The following PCSK2 variants were observed in gnomAD, a reference collection of about 807,000 sequenced individuals.
PCSK2 encodes the protein proprotein convertase subtilisin/kexin type 2, also known as neuroendocrine convertase 2.
In PCSK2, 14 loss-of-function variants were observed where a neutral mutation model predicts 69.7. That is an observed-to-expected ratio of 0.20 (90% CI 0.13 to 0.31). The LOEUF (loss-of-function observed/expected upper bound fraction) is 0.31, where lower values mean the gene tolerates loss of function less well. PCSK2 is among the 10% of genes least tolerant of loss of function. The pLI is 1.00. For missense variants in PCSK2, 544 were observed against 842.5 expected (o/e 0.65, Z 4.39); for synonymous variants, 307 against 320.7 (o/e 0.96, Z 0.46).
At chr20:17,335,493 G>A (rs1990324728) in intron 2 of PCSK2, among the ~76,000 whole-genome samples, 1 of 141,910 alleles carries the variant, frequency 7.0e-6, no homozygotes. Context: ...GTTTGCTTGT[G>A]GGCTCTTTTA....
intron 8 of PCSK2, among the ~76,000 whole-genome samples, chr20:17,450,314 C>A (rs1026844388): frequency 6.6e-6 from 1 of 152,148 alleles, no homozygotes; most frequent in Admixed American, 6.6e-5. Context: ...AGGCATGAGA[C>A]ACCGCGCCCG....
At chr20:17,293,737 A>G (rs1001422031) in intron 2 of PCSK2, among the ~76,000 whole-genome samples, 1 of 152,154 alleles carries the variant, frequency 6.6e-6, no homozygotes, top group African/African-American at 2.4e-5. Flanking sequence ...TTTATTTAGA[A>G]TTTTAAAAAT....
At chr20:17,455,886 G>C (rs1397255467) in intron 9 of PCSK2, among the ~76,000 whole-genome samples, 3 of 152,204 alleles carry the variant, frequency 2.0e-5, no homozygotes, top group Non-Finnish European at 4.4e-5. Flanking sequence ...GCAAAAGAGA[G>C]GCATATGGAT....
At chr20:17,422,807 A>G (rs192320208) in intron 6 of PCSK2, among the ~76,000 whole-genome samples, 6 of 152,306 alleles carry the variant, frequency 3.9e-5, no homozygotes, top group Non-Finnish European at 8.8e-5. Context: ...GAAACAGAAT[A>G]GAGAGTGCAA....
chr20:17,323,282 C>G (rs575494575), intron 2 of PCSK2, among the ~76,000 whole-genome samples: 2 of 152,164 alleles, frequency 1.3e-5, no homozygotes, highest in African/African-American at 4.8e-5. Flanking sequence ...AGGACACAGA[C>G]GCACACAGAG....
intron 2 of PCSK2, among the ~76,000 whole-genome samples, chr20:17,354,648 T>C (rs1289843490): frequency 6.6e-6 from 1 of 152,188 alleles, no homozygotes; most frequent in Non-Finnish European, 1.5e-5. Flanking sequence ...GGATAAATTG[T>C]GGTATATGAC....
chr20:17,410,990 A>C (rs1337501381), intron 6 of PCSK2, among the ~76,000 whole-genome samples: 1 of 152,198 alleles, frequency 6.6e-6, no homozygotes, highest in Non-Finnish European at 1.5e-5. Context: ...GTAAGCACAA[A>C]AATATAACCA....
chr20:17,254,836 T>G (rs1021947926), intron 1 of PCSK2, among the ~76,000 whole-genome samples: 1 of 152,224 alleles, frequency 6.6e-6, no homozygotes, highest in Admixed American at 6.5e-5. Flanking sequence ...TTTAGATCTT[T>G]AATTTCTTTC....
chr20:17,423,732 A>G (rs545261402), intron 6 of PCSK2, among the ~76,000 whole-genome samples: 1 of 152,352 alleles, frequency 6.6e-6, no homozygotes, highest in East Asian at 1.9e-4. Context: ...AAGGCTTAAT[A>G]TAGAAAATTT....
chr20:17,391,976 G>GGGAAGGGAA (rs1223215570), intron 5 of PCSK2, among the ~76,000 whole-genome samples: 2 of 112,052 alleles, frequency 1.8e-5, no homozygotes, highest in African/African-American at 6.8e-5. Context: ...AAGGAAGGAA[G>GGGAAGGGAA]GGAAGGGAAG....
intron 2 of PCSK2, among the ~76,000 whole-genome samples, chr20:17,306,938 T>C (rs534956152): frequency 2.6e-5 from 4 of 152,338 alleles, no homozygotes; most frequent in African/African-American, 9.6e-5. Flanking sequence ...CTCATTTAGA[T>C]AGATAATTTG....
intron 6 of PCSK2, among the ~76,000 whole-genome samples, chr20:17,428,050 A>T (rs1442731264): frequency 6.6e-6 from 1 of 152,230 alleles, no homozygotes; most frequent in Non-Finnish European, 1.5e-5. Flanking sequence ...TTTATGGCTG[A>T]TTGCTAATTA....
rs767445633 is a variant in PCSK2, at chr20:17,484,382, C to T, written c.*2312C>T. The stretch of plus-strand genomic sequence containing the variant: ...TCAGTATTAATACTAAAATATGTCT[C>T]GCTAGTGATGTTTTTATGATATCCC... On this transcript the variant is annotated 3_prime_UTR_variant, in exon 12 of 12. Transcript: ENST00000262545. 9.2e-5 allele frequency: 14 copies of T among 152,412 alleles called. No homozygotes were observed. Among genetic ancestry groups the T allele is most frequent in the East Asian group, 3.9e-4 (2 of 5,184 alleles). The allele number at this position is 152,412 out of a possible 1,614,324, so 9.4% of individuals were successfully genotyped here. A position where few individuals can be genotyped will look rare whatever the true frequency, so the allele number is the denominator to read the frequency against.
intron 2 of PCSK2, among the ~76,000 whole-genome samples, chr20:17,313,660 C>A (rs759767004): frequency 3.9e-5 from 6 of 152,100 alleles, no homozygotes; most frequent in Non-Finnish European, 7.4e-5. Flanking sequence ...AGGGCAGAGG[C>A]CTCCAAAGTT....
chr20:17,326,638 G>A (rs1170826041), intron 2 of PCSK2, among the ~76,000 whole-genome samples: 1 of 152,126 alleles, frequency 6.6e-6, no homozygotes, highest in Non-Finnish European at 1.5e-5. Flanking sequence ...AAAATAAAAT[G>A]GTTTTAACAA....
At chr20:17,278,577 G>A (rs1988182548) in intron 2 of PCSK2, among the ~76,000 whole-genome samples, 1 of 152,084 alleles carries the variant, frequency 6.6e-6, no homozygotes, top group Non-Finnish European at 1.5e-5. Flanking sequence ...TTGTGGGGTG[G>A]GAGGAGAGGG....
chr20:17,249,299 G>A (rs1304013021), intron 1 of PCSK2, among the ~76,000 whole-genome samples: 3 of 152,000 alleles, frequency 2.0e-5, no homozygotes, highest in African/African-American at 7.2e-5. Flanking sequence ...GAGGTCAGGA[G>A]ATCGAGACCA....
At chr20:17,363,345 T>A (rs1045568468) in intron 4 of PCSK2, among the ~76,000 whole-genome samples, 1 of 152,220 alleles carries the variant, frequency 6.6e-6, no homozygotes, top group Non-Finnish European at 1.5e-5. Context: ...CAATGTCATT[T>A]CCACATGCTA....
intron 1 of PCSK2, among the ~76,000 whole-genome samples, chr20:17,259,402 A>T (rs1987294194): frequency 6.6e-6 from 1 of 152,212 alleles, no homozygotes; most frequent in Non-Finnish European, 1.5e-5. Flanking sequence ...GGGAACTTCA[A>T]GCCCCTATAT....
Sources: gnomAD v4.1 joint callset for allele counts (sites outside exome capture counted in the v4.1 genomes callset) on GRCh38, gnomAD v4.1.1 for gene constraint, MANE v1.5 for transcripts, NCBI Gene and HGNC (gene_info 2026-07-23, HGNC 2026-07-21) for gene names.